PCDH9: variants seen among roughly 807,000 people sequenced by gnomAD.
PCDH9 encodes protocadherin 9, also known as protocadherin-9.
In PCDH9, 24 loss-of-function variants were observed where a neutral mutation model predicts 70.6. The ratio of observed to expected loss-of-function variants is 0.34; its 90% CI spans 0.25 to 0.48. The LOEUF is 0.48. PCDH9 is among the 20% of genes least tolerant of loss of function. The pLI, the probability that PCDH9 is intolerant of heterozygous loss-of-function variation, is 0.99. For missense variants in PCDH9, 1,281 were observed against 1,503.6 expected (o/e 0.85, Z 2.45); for synonymous variants, 562 against 558.5 (o/e 1.01, Z -0.09).
intron 4 of PCDH9, among the ~76,000 whole-genome samples, chr13:66,316,288 C>T (rs1355299735): frequency 6.6e-6 from 1 of 152,158 alleles, no homozygotes; most frequent in East Asian, 1.9e-4. Context: ...GTATGGTAAA[C>T]ATATTCACAC....
intron 2 of PCDH9, among the ~76,000 whole-genome samples, chr13:67,047,809 A>G (rs935860189): frequency 2.0e-5 from 3 of 152,326 alleles, no homozygotes; most frequent in African/African-American, 7.2e-5. Context: ...GTGAAATGGG[A>G]ATGCTAATGC....
intron 2 of PCDH9, among the ~76,000 whole-genome samples, chr13:66,908,308 T>A (rs1378740114): frequency 6.6e-6 from 1 of 152,242 alleles, no homozygotes; most frequent in Non-Finnish European, 1.5e-5. Flanking sequence ...TGCTATACAC[T>A]CATGGCTTTC....
intron 4 of PCDH9, among the ~76,000 whole-genome samples, chr13:66,434,642 T>A (rs1379148720): frequency 7.9e-5 from 12 of 152,048 alleles, no homozygotes; most frequent in Non-Finnish European, 1.3e-4. Flanking sequence ...ACATTTTTTT[T>A]AATCCTATGG....
Position 67,227,197 on chromosome 13 carries a change from T to C in PCDH9, c.1244A>G (p.Tyr415Cys). 6.2e-7 allele frequency: 1 copy of C among 1,613,510 alleles called. No individual in the cohort carries two copies. Residue 415 changes from tyrosine (Y) to cysteine (C), a missense_variant, in exon 2 of 5, where the codon TAT becomes TGT. This residue lies in a region of PCDH9 where 798 missense variants were observed against 1,003.1 expected (regional missense o/e 0.80). Transcript: ENST00000377865. This position sits in a 1 kb window ranked among gnomAD's most constrained non-coding sequence, Gnocchi z 4.6. Reference protein sequence around the residue: ...REVPFHLKAVYDNQYLLETSS... With the variant: ...REVPFHLKAVCDNQYLLETSS... ...GGTCTCTAACAAATATTGGTTGTCA[T>C]ATACCGCCTTCAAATGAAATGGGAC...
intron 4 of PCDH9, among the ~76,000 whole-genome samples, chr13:66,326,692 A>T (rs556676561): frequency 6.6e-6 from 1 of 152,142 alleles, no homozygotes; most frequent in Non-Finnish European, 1.5e-5. Context: ...CTGGGATTAC[A>T]GGTGTGAGCC....
At chr13:66,702,179 A>G (rs2078655990) in intron 3 of PCDH9, among the ~76,000 whole-genome samples, 2 of 152,156 alleles carry the variant, frequency 1.3e-5, no homozygotes, top group Admixed American at 6.5e-5. Flanking sequence ...TTCCTTTTTG[A>G]AATAGGTTCG....
At chr13:67,205,795 T>C (rs1383226561) in intron 2 of PCDH9, 4 of 152,234 alleles carry the variant, frequency 2.6e-5, no homozygotes, top group Non-Finnish European at 5.9e-5. Context: ...AATTCTCACC[T>C]AGACATTTTA....
At chr13:66,599,769 C>G (rs911719090) in intron 4 of PCDH9, among the ~76,000 whole-genome samples, 1 of 151,750 alleles carries the variant, frequency 6.6e-6, no homozygotes, top group Admixed American at 6.6e-5. Flanking sequence ...AGATTGTACT[C>G]TTTTTAATTG....
chr13:67,028,317 A>G (rs9540976), intron 2 of PCDH9, among the ~76,000 whole-genome samples: 37,647 of 143,662 alleles, frequency 0.26, 5,325 homozygotes, highest in East Asian at 0.61. Context: ...CTATCGCAAG[A>G]ACAAAAAACC....
At chr13:66,462,169 C>T (rs1958436410) in intron 4 of PCDH9, among the ~76,000 whole-genome samples, 1 of 151,778 alleles carries the variant, frequency 6.6e-6, no homozygotes, top group Admixed American at 6.6e-5. Flanking sequence ...CAATACACTA[C>T]TGTGATTATA....
At chr13:66,697,045 C>T (rs969535853) in intron 3 of PCDH9, among the ~76,000 whole-genome samples, 2 of 151,914 alleles carry the variant, frequency 1.3e-5, no homozygotes, top group African/African-American at 4.8e-5. Context: ...CTGCAGTGAG[C>T]CATGATCACA....
At chr13:66,558,168 C>A (rs2138696860) in intron 4 of PCDH9, among the ~76,000 whole-genome samples, 1 of 152,214 alleles carries the variant, frequency 6.6e-6, no homozygotes, top group Admixed American at 6.5e-5. Context: ...AACAAACAAA[C>A]AAACAAAAGC....
intron 2 of PCDH9, among the ~76,000 whole-genome samples, chr13:67,173,648 C>T (rs1188449581): frequency 6.6e-6 from 1 of 152,110 alleles, no homozygotes; most frequent in Non-Finnish European, 1.5e-5. Context: ...TTTAACTACA[C>T]TTGAAAGAAA....
intron 4 of PCDH9, among the ~76,000 whole-genome samples, chr13:66,549,795 G>A (rs9529091): frequency 0.26 from 39,363 of 151,982 alleles, 5,328 homozygotes; most frequent in South Asian, 0.34. Flanking sequence ...CAATGCTGGA[G>A]GATTGCTTGA....
intron 3 of PCDH9, among the ~76,000 whole-genome samples, chr13:66,800,119 T>A (rs902660998): frequency 2.6e-5 from 4 of 152,162 alleles, no homozygotes; most frequent in Non-Finnish European, 5.9e-5. Flanking sequence ...ATCCAAACTA[T>A]TTTTCATCGT....
chr13:66,526,783 T>G (rs1284179188), intron 4 of PCDH9, among the ~76,000 whole-genome samples: 1 of 152,156 alleles, frequency 6.6e-6, no homozygotes, highest in African/African-American at 2.4e-5. Flanking sequence ...GTGGCCTAAA[T>G]TTAACTATTT....
chr13:67,110,710 A>T (rs2086642861), intron 2 of PCDH9, among the ~76,000 whole-genome samples: 1 of 152,166 alleles, frequency 6.6e-6, no homozygotes, highest in African/African-American at 2.4e-5. Flanking sequence ...AGGTAAGGAA[A>T]TAGAAGTTCC....
intron 3 of PCDH9, among the ~76,000 whole-genome samples, chr13:66,681,862 T>G (rs1312024000): frequency 6.6e-6 from 1 of 151,276 alleles, no homozygotes; most frequent in Non-Finnish European, 1.5e-5. Flanking sequence ...TGGCATAGAC[T>G]AGGCATTTCA....
intron 2 of PCDH9, among the ~76,000 whole-genome samples, chr13:66,933,643 T>A (rs1162505121): frequency 6.6e-6 from 1 of 152,170 alleles, no homozygotes; most frequent in Non-Finnish European, 1.5e-5. Flanking sequence ...AGTTGTTCCT[T>A]TTTCTGTCAA....
Sources: allele counts gnomAD v4.1 joint callset (sites outside exome capture counted in the v4.1 genomes callset), GRCh38; gene constraint gnomAD v4.1.1; regional missense constraint gnomAD v4.1.1; non-coding constraint Gnocchi (gnomAD v3.1); transcripts MANE v1.5; gene names NCBI Gene and HGNC (gene_info 2026-07-23, HGNC 2026-07-21).